KIF16B: variants seen among roughly 807,000 people sequenced by gnomAD.
KIF16B encodes kinesin family member 16B.
A neutral mutation model predicts 156.3 loss-of-function variants in KIF16B; 98 were observed. The observed-to-expected ratio is 0.63, with a 90% CI of 0.53 to 0.74. The LOEUF (loss-of-function observed/expected upper bound fraction) is 0.74, where lower values mean the gene tolerates loss of function less well. Ranked by LOEUF, KIF16B falls within the 30% of genes least tolerant of loss-of-function variation. The pLI is 0.00. For missense variants in KIF16B, 1,421 were observed against 1,606.5 expected, an observed-to-expected ratio of 0.88 and a Z score of 1.97; for synonymous variants, 564 against 583.7, an observed-to-expected ratio of 0.97 and a Z score of 0.49.
At chr20:16,404,325 C>T (rs1392423771) in intron 17 of KIF16B, among the ~76,000 whole-genome samples, 1 of 152,172 alleles carries the variant, frequency 6.6e-6, no homozygotes, top group East Asian at 1.9e-4. Flanking sequence ...CAAGGTCACC[C>T]AGCCACTAAG....
At chr20:16,537,704 G>GTTTTTTTT (rs1171475559) in intron 1 of KIF16B, among the ~76,000 whole-genome samples, 1 of 101,538 alleles carries the variant, frequency 9.8e-6, no homozygotes, top group Admixed American at 1.3e-4. Context: ...TCTTTTTTTC[G>GTTTTTTTT]TTTTTTTTTT....
Position 16,272,517 on chromosome 20 carries a change from AC to A in KIF16B, c.*735del, listed in dbSNP as rs1467386317. ...CTTAGCAGAAAAAGCTCAAGAATGC[AC>A]AGTAGCCATTTAGATTTGGGAGAAT... On this transcript the variant is annotated 3_prime_UTR_variant, in exon 26 of 26. Coordinates refer to ENST00000354981, the MANE Select transcript of KIF16B (RefSeq NM_024704.5). The A allele has an allele frequency of 1.1e-4, 17 of 152,662 alleles. No homozygotes were observed. The highest frequency in any genetic ancestry group is 1.8e-4 in the Non-Finnish European group (12 of 68,034). 9.5% of individuals were successfully genotyped at this position (152,662 alleles called of 1,614,324 possible). A position where few individuals can be genotyped will look rare whatever the true frequency, so the allele number is the denominator to read the frequency against.
chr20:16,420,545 C>A (rs1355435746), intron 15 of KIF16B, among the ~76,000 whole-genome samples: 1 of 152,030 alleles, frequency 6.6e-6, no homozygotes, highest in Non-Finnish European at 1.5e-5. Context: ...TAGGAAGCTG[C>A]TGGTAGTGTA....
At chr20:16,476,262 G>A (rs1178283051) in intron 12 of KIF16B, among the ~76,000 whole-genome samples, 1 of 152,114 alleles carries the variant, frequency 6.6e-6, no homozygotes, top group Non-Finnish European at 1.5e-5. Flanking sequence ...AGCTCTTAAG[G>A]TAAACAGCTT....
intron 15 of KIF16B, among the ~76,000 whole-genome samples, chr20:16,421,777 T>C (rs567450943): frequency 7.9e-5 from 12 of 152,288 alleles, no homozygotes; most frequent in South Asian, 6.2e-4. Flanking sequence ...CCTTCAAACA[T>C]AGTATTTTTA....
At chr20:16,363,244 G>A (rs891819371) in intron 22 of KIF16B, among the ~76,000 whole-genome samples, 5 of 152,120 alleles carry the variant, frequency 3.3e-5, no homozygotes, top group East Asian at 1.9e-4. Flanking sequence ...GGGAGATTAC[G>A]GAAAGAATAG....
chr20:16,528,133 C>T (rs569238715), intron 2 of KIF16B, among the ~76,000 whole-genome samples: 1 of 152,168 alleles, frequency 6.6e-6, no homozygotes, highest in South Asian at 2.1e-4. Flanking sequence ...AGCTCCTGGA[C>T]CAGAGCAACA....
intron 24 of KIF16B, among the ~76,000 whole-genome samples, chr20:16,332,424 A>G (rs987142801): frequency 8.5e-5 from 13 of 152,222 alleles, no homozygotes; most frequent in Admixed American, 7.2e-4. Context: ...TGTACCTTTC[A>G]ACATGTGGTG....
At chr20:16,450,757 T>G (rs1304037774) in intron 12 of KIF16B, among the ~76,000 whole-genome samples, 2 of 152,296 alleles carry the variant, frequency 1.3e-5, no homozygotes, top group South Asian at 2.1e-4. Flanking sequence ...TGAGCTGAGC[T>G]TTAAGCAAGA....
intron 12 of KIF16B, among the ~76,000 whole-genome samples, chr20:16,450,395 A>G (rs1295059314): frequency 6.6e-6 from 1 of 152,170 alleles, no homozygotes; most frequent in African/African-American, 2.4e-5. Flanking sequence ...AGCTTAAAGT[A>G]CCAAAATGCC....
intron 3 of KIF16B, among the ~76,000 whole-genome samples, chr20:16,525,369 T>C (rs2069502124): frequency 6.6e-6 from 1 of 152,126 alleles, no homozygotes; most frequent in Non-Finnish European, 1.5e-5. Flanking sequence ...GCCTGCGTTT[T>C]TCCTTCTATA....
chr20:16,290,898 G>A (rs1444846278), intron 25 of KIF16B, among the ~76,000 whole-genome samples: 1 of 152,148 alleles, frequency 6.6e-6, no homozygotes, highest in Admixed American at 6.5e-5. Context: ...AATGGGGTAG[G>A]TGTCTATTTC....
At chr20:16,324,809 T>C (rs1057033482) in intron 24 of KIF16B, among the ~76,000 whole-genome samples, 7 of 151,828 alleles carry the variant, frequency 4.6e-5, no homozygotes, top group Non-Finnish European at 1.0e-4. Context: ...AAAACCAGTA[T>C]CACCCTAATA....
chr20:16,444,694 T>G (rs1409980254), intron 12 of KIF16B, among the ~76,000 whole-genome samples: 1 of 152,236 alleles, frequency 6.6e-6, no homozygotes, highest in African/African-American at 2.4e-5. Context: ...TCCATTTTTT[T>G]GTATCTACTT....
intron 16 of KIF16B, among the ~76,000 whole-genome samples, chr20:16,405,817 T>C (rs1568942725): frequency 6.6e-6 from 1 of 152,156 alleles, no homozygotes; most frequent in Non-Finnish European, 1.5e-5. Flanking sequence ...TTCTTCAGTC[T>C]AAGGACCAGC....
chr20:16,370,256 G>A (rs537721196), intron 22 of KIF16B, among the ~76,000 whole-genome samples: 1 of 152,196 alleles, frequency 6.6e-6, no homozygotes, highest in Admixed American at 6.5e-5. Context: ...GACAGGAGGA[G>A]TACTGAGTTT....
intron 15 of KIF16B, among the ~76,000 whole-genome samples, chr20:16,424,703 G>C (rs1353537359): frequency 3.9e-5 from 6 of 152,208 alleles, no homozygotes; most frequent in Middle Eastern, 3.4e-3. Context: ...GCTGAGAAAA[G>C]TTTCTGCACT....
intron 23 of KIF16B, among the ~76,000 whole-genome samples, chr20:16,347,579 T>C (rs879941799): frequency 6.6e-6 from 1 of 152,194 alleles, no homozygotes; most frequent in Non-Finnish European, 1.5e-5. Context: ...AAAAAATTTT[T>C]TTTCACTTTT....
chr20:16,344,233 C>T (rs1415805929), intron 23 of KIF16B, among the ~76,000 whole-genome samples: 1 of 152,176 alleles, frequency 6.6e-6, no homozygotes, highest in Admixed American at 6.5e-5. Context: ...ATCTCTTAGA[C>T]AACTGTTGCA....
Sources: gnomAD v4.1 joint callset for allele counts (sites outside exome capture counted in the v4.1 genomes callset) on GRCh38, gnomAD v4.1.1 for gene constraint, MANE v1.5 for transcripts, NCBI Gene and HGNC (gene_info 2026-07-23, HGNC 2026-07-21) for gene names.